The following MOCOS variants were observed in gnomAD, a reference collection of about 807,000 sequenced individuals.
MOCOS encodes the protein human molybdenum cofactor sulfurase.
MOCOS carries 86 observed loss-of-function variants against 83.6 expected under a neutral mutation model. The ratio of observed to expected loss-of-function variants is 1.03; its 90% CI spans 0.86 to 1.23. The LOEUF (loss-of-function observed/expected upper bound fraction) is 1.23, where lower values mean the gene tolerates loss of function less well. MOCOS is among the 50% of genes most tolerant of loss of function. The pLI is 0.00. For synonymous variants in MOCOS, 445 were observed against 434.7 expected (o/e 1.02, Z -0.29); for missense variants, 1,120 against 1,126.9 (o/e 0.99, Z 0.09).
rs147207715 is a variant in MOCOS at position 36,220,165 on chromosome 18, G to A, written c.1908G>A (p.Leu636=). Residue 636 remains leucine (L), a synonymous_variant, in exon 9 of 15, where the codon CTG becomes CTA. Coordinates refer to ENST00000261326, the MANE Select transcript of MOCOS (RefSeq NM_017947.4). The part of the protein sequence containing the change: ...LSQKQEPRLC[L]IQPFIDLRQR... ...AGAAGCAGGAACCCCGGCTCTGCCT[G>A]ATCCAGCCCTTCATCGACTTGCGGC... is the stretch of plus-strand genomic sequence containing the variant. 206 of 1,614,120 alleles carry A rather than the reference G, an allele frequency of 1.3e-4. 1 individual carries two copies. The African/African-American group carries it at 2.5e-3, about 19-fold the overall frequency.
At chr18:36,201,539 G>A (rs2091414638) in intron 4 of MOCOS, among the ~76,000 whole-genome samples, 2 of 151,606 alleles carry the variant, frequency 1.3e-5, no homozygotes, top group African/African-American at 2.4e-5. Flanking sequence ...GTGGGTGCTT[G>A]TAATCTCAGC....
rs1444805039 is a variant in MOCOS at position 36,235,455 on chromosome 18, A to G, written c.1961-13467A>G. Among the ~76,000 whole-genome samples, 20 of 123,620 alleles carry G rather than the reference A, an allele frequency of 1.6e-4. No homozygotes were observed. The Admixed American group carries it at 1.7e-3, about 10-fold the overall frequency. The allele number at this position is 123,620 out of a possible 152,430, so 81.1% of individuals were successfully genotyped here. On this transcript the variant is annotated intron_variant, in intron 9 of 14. Coordinates refer to ENST00000261326, the MANE Select transcript of MOCOS (RefSeq NM_017947.4). ...TTTCATCCATGTCCCTACAAAGGAC[A>G]TGAACTCATCATTTTTTATGGCTGC... is the stretch of plus-strand genomic sequence containing the variant.
intron 13 of MOCOS, among the ~76,000 whole-genome samples, chr18:36,262,272 C>CACACACACACACACACACACAT (rs1200370964): frequency 6.6e-6 from 1 of 151,312 alleles, no homozygotes; most frequent in African/African-American, 2.4e-5. Context: ...CACACACACA[C>CACACACACACACACACACACAT]ACACGAAAAA....
intron 9 of MOCOS, among the ~76,000 whole-genome samples, chr18:36,245,105 C>T (rs753826479): frequency 3.9e-5 from 6 of 152,110 alleles, no homozygotes; most frequent in Non-Finnish European, 8.8e-5. Context: ...TTAAGTGGAA[C>T]ATTTAGGCCA....
intron 6 of MOCOS, among the ~76,000 whole-genome samples, chr18:36,206,948 A>G (rs1472035876): frequency 6.6e-6 from 1 of 152,200 alleles, no homozygotes; most frequent in Non-Finnish European, 1.5e-5. Flanking sequence ...GAAGATATGC[A>G]TGCATTTGCC....
chr18:36,263,020 G>A (rs1387109655), intron 13 of MOCOS, among the ~76,000 whole-genome samples: 1 of 152,146 alleles, frequency 6.6e-6, no homozygotes, highest in Non-Finnish European at 1.5e-5. Flanking sequence ...GAGGTGGGAG[G>A]ATTGCTTGAG....
intron 5 of MOCOS, 72 bp from the exon 6 acceptor site, chr18:36,205,005 A>G: frequency 9.1e-7 from 1 of 1,095,408 alleles, no homozygotes; most frequent in Non-Finnish European, 1.3e-6. Context: ...TCAAAAAAAA[A>G]AAAAAAAAAA....
At chr18:36,204,865 T>A (rs894418348) in intron 5 of MOCOS, among the ~76,000 whole-genome samples, 1 of 151,666 alleles carries the variant, frequency 6.6e-6, no homozygotes, top group African/African-American at 2.4e-5. Flanking sequence ...TGGTGGTGAA[T>A]GCCTGTCGTC....
Position 36,199,863 on chromosome 18 carries a change from C to A in MOCOS, c.480C>A (p.Asn160Lys), listed in dbSNP as rs747874863. The A allele has an allele frequency of 1.9e-6, 3 of 1,613,864 alleles. No individual in the cohort carries two copies. The Admixed American group carries it at 5.0e-5, about 27-fold the overall frequency. ...DSHTSVVGMR[N>K]VTMAINVIST... ...ACACCTCCGTAGTGGGTATGCGGAA[C>A]GTGACCATGGCTATAAATGTCATAT... The change falls in exon 4 of 15, where the codon AAC becomes AAA. Residue 160 changes from asparagine (N) to lysine (K), a missense_variant. Physicochemically the swap from Asn to Lys is moderately conservative, Grantham distance 94 (BLOSUM62 0). Transcript: ENST00000261326.
chr18:36,233,993 T>TTGGCC (rs1754538493), intron 9 of MOCOS, among the ~76,000 whole-genome samples: 1 of 152,214 alleles, frequency 6.6e-6, no homozygotes, highest in South Asian at 2.1e-4. Flanking sequence ...ATTGTCTCTT[T>TTGGCC]ACTTTTCTGG....
intron 9 of MOCOS, among the ~76,000 whole-genome samples, chr18:36,247,704 A>G (rs2091607378): frequency 6.7e-6 from 1 of 148,932 alleles, no homozygotes; most frequent in Non-Finnish European, 1.5e-5. Context: ...GTGTGTTCGG[A>G]GACCAACTTC....
Position 36,199,672 on chromosome 18 carries a change from GCTT to G in MOCOS, c.300-6_300-4del. ...GATCCGCGGGTTGCGGGGATGCTGT[GCTT>G]CTTCCAGAATCCTGGCGCACTTCCA... On this transcript the variant is annotated splice_region_variant and splice_polypyrimidine_tract_variant and intron_variant, in intron 3 of 14. Transcript: ENST00000261326. 6.2e-7 allele frequency: 1 copy of G among 1,613,140 alleles called. No homozygotes were observed. The highest frequency in any genetic ancestry group is 8.5e-7 in the Non-Finnish European group (1 of 1,180,036).
chr18:36,217,683 A>T (rs998772511), intron 8 of MOCOS, among the ~76,000 whole-genome samples: 1 of 152,204 alleles, frequency 6.6e-6, no homozygotes, highest in African/African-American at 2.4e-5. Flanking sequence ...AATTGGACTA[A>T]TTCTCTCTGT....
intron 9 of MOCOS, among the ~76,000 whole-genome samples, chr18:36,226,825 T>C (rs1008107039): frequency 1.3e-5 from 2 of 152,008 alleles, no homozygotes; most frequent in East Asian, 1.9e-4. Context: ...CTCTACACTT[T>C]AAGCTTTGCT....
rs1234736883 is a variant in MOCOS at position 36,200,200 on chromosome 18, G to C, written c.817G>C (p.Gly273Arg). 1 of 1,614,188 alleles carries C rather than the reference G, an allele frequency of 6.2e-7. No homozygotes were observed. Among genetic ancestry groups the C allele is most frequent in the Non-Finnish European group, 8.5e-7 (1 of 1,180,032 alleles). ...YKIFGFPTGLGALLVHNRAAP... is the reference protein window; with the variant it reads ...YKIFGFPTGLRALLVHNRAAP... ...GATCTTCGGGTTTCCTACAGGCCTG[G>C]GCGCTCTGCTGGTCCATAATCGTGC... Residue 273 changes from glycine to arginine, a missense_variant, in exon 4 of 15, where the codon GGC (glycine) becomes CGC (arginine). Gly to Arg is a moderately radical substitution (Grantham distance 125). Coordinates refer to ENST00000261326, the MANE Select transcript of MOCOS (RefSeq NM_017947.4).
At position 36,213,457 on chromosome 18, in the gene MOCOS, A is replaced by G. The variant is rs376720894; in HGVS notation, c.1310A>G (p.Asn437Ser). ...TGCCAGAGGCACCTGGGCATAAGCA[A>G]CGAGATGGTCAGGAAGCATTTTCAG... Reference protein sequence around the residue: ...GACQRHLGISNEMVRKHFQAG... With the variant: ...GACQRHLGISSEMVRKHFQAG... Residue 437 changes from asparagine (N) to serine (S), a missense_variant, in exon 7 of 15, where the codon AAC becomes AGC. Physicochemically the swap from Asn to Ser is conservative, Grantham distance 46. Transcript: ENST00000261326. 77 of 1,613,816 alleles carry G rather than the reference A, an allele frequency of 4.8e-5. No homozygotes were observed. Among genetic ancestry groups the G allele is most frequent in the Non-Finnish European group, 6.4e-5 (75 of 1,180,008 alleles).
intron 6 of MOCOS, among the ~76,000 whole-genome samples, chr18:36,206,641 CT>C (rs1225198418): frequency 7.2e-5 from 11 of 152,300 alleles, no homozygotes; most frequent in Non-Finnish European, 1.6e-4. Context: ...CTCCCCCCAC[CT>C]TCTACCCTCA....
At chr18:36,227,129 C>T (rs1251472526) in intron 9 of MOCOS, among the ~76,000 whole-genome samples, 1 of 151,712 alleles carries the variant, frequency 6.6e-6, no homozygotes, top group Non-Finnish European at 1.5e-5. Context: ...TCAGGTTGGT[C>T]TTGAACTCCT....
At chr18:36,240,394 G>A (rs1346354819) in intron 9 of MOCOS, among the ~76,000 whole-genome samples, 5 of 150,010 alleles carry the variant, frequency 3.3e-5, no homozygotes, top group Non-Finnish European at 7.4e-5. Flanking sequence ...GTACCCTGCA[G>A]TGTGAGGTGT....
Sources: gnomAD v4.1 joint callset for allele counts (sites outside exome capture counted in the v4.1 genomes callset) on GRCh38, gnomAD v4.1.1 for gene constraint, MANE v1.5 for transcripts, NCBI Gene and HGNC (gene_info 2026-07-23, HGNC 2026-07-21) for gene names.